FIGN: variants seen among roughly 807,000 people sequenced by gnomAD.
The protein encoded by FIGN is fidgetin, microtubule severing factor, also known as fidgetin.
In FIGN, 11 loss-of-function variants were observed where a neutral mutation model predicts 51.3. The observed-to-expected ratio is 0.21, with a 90% confidence interval of 0.13 to 0.35. FIGN has a LOEUF of 0.35. FIGN is among the 10% of genes least tolerant of loss of function. The pLI, the probability that FIGN is intolerant of heterozygous loss-of-function variation, is 1.00. For synonymous variants in FIGN, 407 were observed against 363.2 expected (o/e 1.12, Z -1.37); for missense variants, 857 against 943.6 (o/e 0.91, Z 1.20).
chr2:163,632,978 C>A (rs1474941355), intron 2 of FIGN, among the ~76,000 whole-genome samples: 2 of 151,984 alleles, frequency 1.3e-5, no homozygotes, highest in African/African-American at 2.4e-5. Flanking sequence ...ATTGCTGGAG[C>A]CCAGAAGTTG....
In FIGN at chr2:163,701,471, C is replaced by T. The variant is rs11900817; in HGVS notation, c.25+33432G>A. On this transcript the variant is annotated intron_variant, in intron 2 of 2. Transcript: ENST00000333129. Reference sequence around the variant, plus strand: ...TACCAAAGATGAATGCCTGGTGCAACCAGAGGCTGAGTGTAAAGATACTGA... The same window carrying T: ...TACCAAAGATGAATGCCTGGTGCAATCAGAGGCTGAGTGTAAAGATACTGA... Among the ~76,000 whole-genome samples, 1,328 of 152,234 alleles carry T rather than the reference C, an allele frequency of 8.7e-3. 21 individuals carry two copies. Among genetic ancestry groups the T allele is most frequent in the African/African-American group, 0.03 (1,259 of 41,546 alleles).
intron 2 of FIGN, among the ~76,000 whole-genome samples, chr2:163,633,156 C>T (rs775683919): frequency 4.6e-5 from 7 of 151,906 alleles, no homozygotes; most frequent in Non-Finnish European, 1.0e-4. Context: ...TGCACTCCAG[C>T]CTGAGCAACA....
chr2:163,677,920 A>G (rs753071569), intron 2 of FIGN, among the ~76,000 whole-genome samples: 3 of 152,178 alleles, frequency 2.0e-5, no homozygotes, highest in African/African-American at 4.8e-5. Context: ...GAATAACGCA[A>G]TGGGGTTGTG....
At chr2:163,643,272 C>T (rs948839632) in intron 2 of FIGN, among the ~76,000 whole-genome samples, 3 of 152,084 alleles carry the variant, frequency 2.0e-5, no homozygotes, top group African/African-American at 4.8e-5. Flanking sequence ...AGACTTCAAT[C>T]GAGCAAAAAC....
At chr2:163,710,744 T>C (rs1244827546) in intron 2 of FIGN, among the ~76,000 whole-genome samples, 1 of 152,096 alleles carries the variant, frequency 6.6e-6, no homozygotes, top group African/African-American at 2.4e-5. Context: ...CTCATCACCT[T>C]AGAAGGAGTT....
At position 163,609,603 on chromosome 2, in the gene FIGN, C is replaced by T. The variant is rs1691184940; in HGVS notation, c.2229G>A (p.Lys743=). Residue 743 remains lysine, a synonymous_variant, in exon 3 of 3, where the codon AAG becomes AAA. Transcript: ENST00000333129. ...FCKIQPSISQ[K]ELDMYVEWNK... ...TCCATTCAACATACATATCAAGCTC[C>T]TTTTGAGATATGCTAGGCTGAATCT... The T allele has an allele frequency of 6.2e-7, 1 of 1,613,976 alleles. No individual in the cohort carries two copies. Among genetic ancestry groups the T allele is most frequent in the South Asian group, 1.1e-5 (1 of 91,082 alleles).
At chr2:163,685,061 A>C (rs1684125564) in intron 2 of FIGN, among the ~76,000 whole-genome samples, 1 of 151,346 alleles carries the variant, frequency 6.6e-6, no homozygotes, top group Non-Finnish European at 1.5e-5. Context: ...CTGGGATTAT[A>C]GGCGTGAGCT....
At chr2:163,719,883 C>G (rs888096063) in intron 2 of FIGN, among the ~76,000 whole-genome samples, 3 of 152,146 alleles carry the variant, frequency 2.0e-5, no homozygotes, top group African/African-American at 7.2e-5. Flanking sequence ...ATAAAATCCT[C>G]TAAAATTTAG....
At position 163,610,650 on chromosome 2, in the gene FIGN, C is replaced by G. The variant is rs1160003148; in HGVS notation, c.1182G>C (p.Gln394His). The change falls in exon 3 of 3, where the codon CAG becomes CAC. Residue 394 changes from glutamine (Q) to histidine (H), a missense_variant. Gln to His is a conservative substitution (Grantham distance 24). Transcript: ENST00000333129. ...SSEQQRKFSS[Q>H]SSRALTPPSY... ...AAGGAGGGGTCAGAGCCCTACTGGA[C>G]TGGCTGCTGAATTTCCTTTGCTGTT... 1.2e-6 allele frequency: 2 copies of G among 1,614,128 alleles called. No individual in the cohort carries two copies. The highest frequency in any genetic ancestry group is 2.7e-5 in the African/African-American group (2 of 74,946).
chr2:163,624,519 C>T (rs1041344391), intron 2 of FIGN, among the ~76,000 whole-genome samples: 32 of 151,304 alleles, frequency 2.1e-4, no homozygotes, highest in Non-Finnish European at 3.5e-4. Flanking sequence ...ATGATTGTGA[C>T]TCCACTTTTT....
intron 2 of FIGN, among the ~76,000 whole-genome samples, chr2:163,633,986 T>C (rs1410948619): frequency 6.6e-6 from 1 of 152,106 alleles, no homozygotes; most frequent in Non-Finnish European, 1.5e-5. Flanking sequence ...TCCCTCTTCT[T>C]CATTCCTTTG....
At chr2:163,643,647 T>A (rs1683337595) in intron 2 of FIGN, among the ~76,000 whole-genome samples, 1 of 135,746 alleles carries the variant, frequency 7.4e-6, no homozygotes, top group Admixed American at 7.5e-5. Context: ...CTAGACTCAG[T>A]CTCAAAAAAA....
intron 2 of FIGN, among the ~76,000 whole-genome samples, chr2:163,695,327 T>G (rs1218515577): frequency 2.6e-5 from 4 of 152,060 alleles, no homozygotes; most frequent in African/African-American, 9.7e-5. Context: ...AACTTGTGAT[T>G]TGTTATTGCC....
intron 2 of FIGN, among the ~76,000 whole-genome samples, chr2:163,718,237 G>C (rs1235849061): frequency 6.6e-6 from 1 of 152,152 alleles, no homozygotes; most frequent in Non-Finnish European, 1.5e-5. Flanking sequence ...CAGCTGCCAT[G>C]GAGGGGAAAA....
intron 2 of FIGN, among the ~76,000 whole-genome samples, chr2:163,641,166 C>T (rs951584098): frequency 5.3e-5 from 8 of 152,242 alleles, no homozygotes; most frequent in East Asian, 1.9e-4. Flanking sequence ...AAGAGTAGGC[C>T]GCCATAGCTG....
chr2:163,669,066 G>C (rs1415382395), intron 2 of FIGN, among the ~76,000 whole-genome samples: 1 of 145,536 alleles, frequency 6.9e-6, no homozygotes, highest in Admixed American at 6.8e-5. Flanking sequence ...ATAAAGGAAA[G>C]ATATTCATCC....
At chr2:163,668,847 G>A (rs1245262723) in intron 2 of FIGN, among the ~76,000 whole-genome samples, 11 of 151,820 alleles carry the variant, frequency 7.2e-5, no homozygotes, top group Admixed American at 6.6e-5. Context: ...AGGCTGAGGT[G>A]GGAGAATGGC....
chr2:163,646,964 G>A lies in FIGN; in HGVS notation c.26-35158C>T, dbSNP rs950743309. On this transcript the variant is annotated intron_variant, in intron 2 of 2. Coordinates refer to ENST00000333129, the MANE Select transcript of FIGN (RefSeq NM_018086.4). The stretch of plus-strand genomic sequence containing the variant: ...AAGAAGTAAACACTGCCACAGTTAC[G>A]GGAGCCCAGTTCCCTTTTGGTATAG... 9.8e-4 allele frequency among the ~76,000 whole-genome samples: 150 copies of A among 152,290 alleles called. 1 individual carries two copies. Among genetic ancestry groups the A allele is most frequent in the African/African-American group, 3.4e-3 (140 of 41,560 alleles).
intron 2 of FIGN, among the ~76,000 whole-genome samples, chr2:163,628,377 A>G (rs2105309141): frequency 6.6e-6 from 1 of 152,328 alleles, no homozygotes; most frequent in South Asian, 2.1e-4. Flanking sequence ...GAAGCCAAGT[A>G]TGCATGACAG....
Sources: gnomAD v4.1 joint callset for allele counts (sites outside exome capture counted in the v4.1 genomes callset) on GRCh38, gnomAD v4.1.1 for gene constraint, MANE v1.5 for transcripts, NCBI Gene and HGNC (gene_info 2026-07-23, HGNC 2026-07-21) for gene names.